Variants in BCKDHB observed in about 807,000 individuals in gnomAD.
BCKDHB encodes the protein branched chain keto acid dehydrogenase E1 subunit beta.
A neutral mutation model predicts 48.5 loss-of-function variants in BCKDHB; 41 were observed. The ratio of observed to expected loss-of-function variants is 0.85; its 90% CI spans 0.66 to 1.10. The LOEUF (loss-of-function observed/expected upper bound fraction) is 1.10. Among genes scored for constraint, BCKDHB ranks in the 50% least tolerant of loss-of-function variants. BCKDHB has a pLI of 0.00. For missense variants in BCKDHB, 496 were observed against 494.2 expected (o/e 1.00, Z -0.03); for synonymous variants, 201 against 174.8 (o/e 1.15, Z -1.18).
At chr6:80,421,083 A>C in the BCKDHB span, among the ~76,000 whole-genome samples, 1 of 152,108 alleles carries the variant, frequency 6.6e-6, no homozygotes, top group Non-Finnish European at 1.5e-5. Context: ...TTGAATTGTA[A>C]TTCCCACAAG....
intron 6 of BCKDHB, among the ~76,000 whole-genome samples, chr6:80,176,823 TC>T (rs566002659): frequency 2.2e-3 from 338 of 152,142 alleles, no homozygotes; most frequent in Non-Finnish European, 4.3e-3. Flanking sequence ...ACCCAGATAC[TC>T]CCACAGATAA....
chr6:80,405,638 A>T, the BCKDHB span, among the ~76,000 whole-genome samples: 1 of 151,906 alleles, frequency 6.6e-6, no homozygotes, highest in Non-Finnish European at 1.5e-5. Flanking sequence ...TGATTTAATA[A>T]TTTTTTGCAG....
intron 8 of BCKDHB, among the ~76,000 whole-genome samples, chr6:80,258,643 G>A (rs1405141455): frequency 6.6e-6 from 1 of 152,160 alleles, no homozygotes; most frequent in East Asian, 1.9e-4. Context: ...CCCAGCCCCA[G>A]GTTGCTGATG....
the BCKDHB span, among the ~76,000 whole-genome samples, chr6:80,447,084 C>T: frequency 1.6e-4 from 24 of 151,922 alleles, no homozygotes; most frequent in African/African-American, 4.8e-4. Context: ...GGACCTTGGG[C>T]GAGGATATTT....
At chr6:80,369,661 ACTT>A in the BCKDHB span, among the ~76,000 whole-genome samples, 304 of 152,340 alleles carry the variant, frequency 2.0e-3, no homozygotes, top group African/African-American at 6.9e-3. Context: ...CCAAGGTAGA[ACTT>A]CTTATTTCAG....
chr6:80,119,151 A>T (rs1241251219), intron 1 of BCKDHB, among the ~76,000 whole-genome samples: 1 of 152,152 alleles, frequency 6.6e-6, no homozygotes, highest in African/African-American at 2.4e-5. Flanking sequence ...ATTAGCAGGC[A>T]TGCTAGCGCA....
At chr6:80,392,854 C>G in the BCKDHB span, among the ~76,000 whole-genome samples, 80 of 123,324 alleles carry the variant, frequency 6.5e-4, no homozygotes, top group African/African-American at 2.3e-3. Context: ...AAAGGCAAAC[C>G]TTTTTAACTT....
chr6:80,160,996 C>CT (rs1264816558), intron 3 of BCKDHB, among the ~76,000 whole-genome samples: 1 of 151,960 alleles, frequency 6.6e-6, no homozygotes, highest in Admixed American at 6.6e-5. Context: ...ATGGTATTTA[C>CT]TTTTTTTTGC....
chr6:80,249,766 T>C (rs931472892), intron 8 of BCKDHB, among the ~76,000 whole-genome samples: 2 of 152,170 alleles, frequency 1.3e-5, no homozygotes, highest in East Asian at 3.9e-4. Flanking sequence ...TAAACTTCAT[T>C]TATAAATTCC....
intron 9 of BCKDHB, among the ~76,000 whole-genome samples, chr6:80,314,514 A>C (rs973521206): frequency 6.6e-6 from 1 of 152,156 alleles, no homozygotes; most frequent in Non-Finnish European, 1.5e-5. Flanking sequence ...GCTGTAGTAC[A>C]CAGAGGGAGG....
At chr6:80,226,507 C>T (rs1775683893) in intron 8 of BCKDHB, among the ~76,000 whole-genome samples, 1 of 152,146 alleles carries the variant, frequency 6.6e-6, no homozygotes, top group East Asian at 1.9e-4. Flanking sequence ...TTTTGGCCCA[C>T]TGGTGAAAAT....
chr6:80,285,456 C>T (rs1269247357), intron 9 of BCKDHB, among the ~76,000 whole-genome samples: 1 of 152,126 alleles, frequency 6.6e-6, no homozygotes, highest in African/African-American at 2.4e-5. Context: ...TAACCTATAT[C>T]TATACTGAGT....
At chr6:80,378,783 A>G in the BCKDHB span, among the ~76,000 whole-genome samples, 3 of 152,144 alleles carry the variant, frequency 2.0e-5, no homozygotes, top group Non-Finnish European at 4.4e-5. Context: ...TTTACTCTGT[A>G]TCCACAGTAA....
At chr6:80,163,410 A>G (rs1160122875) in intron 3 of BCKDHB, among the ~76,000 whole-genome samples, 2 of 151,448 alleles carry the variant, frequency 1.3e-5, no homozygotes, top group Non-Finnish European at 2.9e-5. Context: ...TTTTAATAGC[A>G]GTATAGACAC....
the BCKDHB span, among the ~76,000 whole-genome samples, chr6:80,423,534 A>T: frequency 8.5e-5 from 13 of 152,180 alleles, no homozygotes; most frequent in African/African-American, 3.1e-4. Flanking sequence ...ACTTGGTGGA[A>T]CCATTTGGGT....
At chr6:80,320,355 A>G (rs1768658209) in intron 9 of BCKDHB, among the ~76,000 whole-genome samples, 1 of 152,206 alleles carries the variant, frequency 6.6e-6, no homozygotes, top group African/African-American at 2.4e-5. Context: ...ATGATTGACC[A>G]TTTCTGACAT....
intron 6 of BCKDHB, among the ~76,000 whole-genome samples, chr6:80,187,994 T>C (rs564292406): frequency 6.6e-6 from 1 of 152,326 alleles, no homozygotes; most frequent in South Asian, 2.1e-4. Context: ...CCCAAAGGAA[T>C]ATGAGTCATT....
chr6:80,357,528 T>C, the BCKDHB span, among the ~76,000 whole-genome samples: 414 of 152,162 alleles, frequency 2.7e-3, 4 homozygotes, highest in African/African-American at 9.1e-3. Flanking sequence ...GGAGAATGAA[T>C]TTGGAGGGGC....
the BCKDHB span, among the ~76,000 whole-genome samples, chr6:80,363,667 C>G: frequency 6.6e-6 from 1 of 152,172 alleles, no homozygotes; most frequent in African/African-American, 2.4e-5. Flanking sequence ...GAGCATAGCA[C>G]AGGGCTGTGG....
Sources: allele counts gnomAD v4.1 joint callset (sites outside exome capture counted in the v4.1 genomes callset), GRCh38; gene constraint gnomAD v4.1.1; transcripts MANE v1.5; gene names NCBI Gene and HGNC (gene_info 2026-07-23, HGNC 2026-07-21).